The following PCDHGA7 variants were observed in gnomAD, a reference collection of about 807,000 sequenced individuals.
PCDHGA7 encodes protocadherin gamma-A7.
In PCDHGA7, 44 loss-of-function variants were observed where a neutral mutation model predicts 58.3. The ratio of observed to expected loss-of-function variants is 0.75; its 90% confidence interval spans 0.59 to 0.97. The LOEUF (loss-of-function observed/expected upper bound fraction) is 0.97. PCDHGA7 is among the 50% of genes least tolerant of loss of function. The probability of loss-of-function intolerance (pLI) is 0.00; values close to 1 mark genes in which losing one functional copy is unlikely to be tolerated. For missense variants in PCDHGA7, 1,266 were observed against 1,188.7 expected (o/e 1.06, Z -0.96); for synonymous variants, 516 against 504.2 (o/e 1.02, Z -0.31).
intron 1 of PCDHGA7, among the ~76,000 whole-genome samples, chr5:141,488,675 T>C (rs888235928): frequency 2.6e-5 from 4 of 152,116 alleles, no homozygotes; most frequent in Admixed American, 1.3e-4. Flanking sequence ...TACATGGGCT[T>C]TGCCTCTCCC....
At chr5:141,502,660 A>T (rs1423714257) in intron 2 of PCDHGA7, among the ~76,000 whole-genome samples, 2 of 152,208 alleles carry the variant, frequency 1.3e-5, no homozygotes, top group African/African-American at 4.8e-5. Flanking sequence ...GCAACCCTTC[A>T]TGCAATTTTA....
intron 1 of PCDHGA7, chr5:141,410,760 A>G: frequency 8.5e-7 from 1 of 1,177,482 alleles, no homozygotes; most frequent in Non-Finnish European, 1.2e-6. Flanking sequence ...ATGTTTTTTC[A>G]ATTATAGTTT....
rs2099419063 is a variant in PCDHGA7 at position 141,477,824 on chromosome 5, C to G, written c.2425-16983C>G. On this transcript the variant is annotated intron_variant, in intron 1 of 3. Coordinates refer to ENST00000518325, the MANE Select transcript of PCDHGA7 (RefSeq NM_018920.4). This position sits in a 1 kb window ranked among gnomAD's most constrained non-coding sequence, Gnocchi z 4.9. ...TGACAATGCCCCCCAGGTCCTATAT[C>G]CTCGGCCAGGTGGGAGCTCGGTGGA... is the stretch of plus-strand genomic sequence containing the variant. 5.6e-6 allele frequency: 9 copies of G among 1,614,196 alleles called. No individual in the cohort carries two copies. The highest frequency in any genetic ancestry group is 5.9e-6 in the Non-Finnish European group (7 of 1,180,034).
At chr5:141,482,841 G>A (rs1401298303) in intron 1 of PCDHGA7, among the ~76,000 whole-genome samples, 1 of 139,444 alleles carries the variant, frequency 7.2e-6, no homozygotes, top group Non-Finnish European at 1.5e-5. Flanking sequence ...GGAGGCCAAG[G>A]TGGGCAGATC....
In PCDHGA7 at chr5:141,431,814, T is replaced by C. The variant is rs1300319049; in HGVS notation, c.2424+46491T>C. 1 of 1,614,246 alleles carries C rather than the reference T, an allele frequency of 6.2e-7. No homozygotes were observed. Among genetic ancestry groups the C allele is most frequent in the Non-Finnish European group, 8.5e-7 (1 of 1,180,044 alleles). ...GCCCCAGAAGTGGTCCTCACCTCTC[T>C]CGCCAGCTCGGTTCCCGAAAACTCT... On this transcript the variant is annotated intron_variant, in intron 1 of 3. Coordinates refer to ENST00000518325, the MANE Select transcript of PCDHGA7 (RefSeq NM_018920.4). The surrounding 1 kb of genome is among the most constrained non-coding windows in gnomAD (Gnocchi z 4.8).
At chr5:141,492,727 G>A (rs2099743408) in intron 1 of PCDHGA7, among the ~76,000 whole-genome samples, 1 of 152,274 alleles carries the variant, frequency 6.6e-6, no homozygotes, top group South Asian at 2.1e-4. Flanking sequence ...GACAGGCAGA[G>A]CTGCCCAGTG....
At chr5:141,420,208 A>G (rs1396340813) in intron 1 of PCDHGA7, 1 of 1,612,970 alleles carries the variant, frequency 6.2e-7, no homozygotes, top group Non-Finnish European at 8.5e-7. Flanking sequence ...ACCTCAACAA[A>G]GATAGCATGC....
rs559433377 is a variant in PCDHGA7, at chr5:141,432,679, G to A, written c.2424+47356G>A. ...TGCTGGACAGAGACGCGCTCAAGCAGAGCCTCGTAGTGGCCGTCCAGGACC... is the reference window on the plus strand; with the variant it reads ...TGCTGGACAGAGACGCGCTCAAGCAAAGCCTCGTAGTGGCCGTCCAGGACC... On this transcript the variant is annotated intron_variant, in intron 1 of 3. Transcript: ENST00000518325. The surrounding 1 kb of genome is among the most constrained non-coding windows in gnomAD (Gnocchi z 6.0). The A allele has an allele frequency of 2.3e-4, 369 of 1,613,834 alleles. 1 individual carries two copies. The highest frequency in any genetic ancestry group is 1.7e-4 in the Middle Eastern group (1 of 6,056).
intron 2 of PCDHGA7, among the ~76,000 whole-genome samples, chr5:141,499,283 G>T (rs1460838051): frequency 6.6e-6 from 1 of 152,066 alleles, no homozygotes; most frequent in Non-Finnish European, 1.5e-5. Context: ...TTCTCTGATG[G>T]CTCCACACTA....
chr5:141,415,325 C>A (rs1046074461), intron 1 of PCDHGA7: 2 of 1,614,094 alleles, frequency 1.2e-6, no homozygotes, highest in Non-Finnish European at 1.7e-6. Context: ...GTGCTGCTGG[C>A]GCACAGGCTG....
intron 3 of PCDHGA7, 126 bp downstream of exon 3, chr5:141,505,607 T>A: frequency 6.5e-7 from 1 of 1,528,684 alleles, no homozygotes. Flanking sequence ...TCGGCAGGTC[T>A]GAAAGGACCC....
chr5:141,399,775 G>A, intron 1 of PCDHGA7: 2 of 1,613,282 alleles, frequency 1.2e-6, no homozygotes, highest in Non-Finnish European at 1.7e-6. Flanking sequence ...GTTGGTGGGC[G>A]ACCGAAACGA....
At chr5:141,462,542 T>C (rs910054469) in intron 1 of PCDHGA7, among the ~76,000 whole-genome samples, 1 of 152,222 alleles carries the variant, frequency 6.6e-6, no homozygotes, top group Non-Finnish European at 1.5e-5. Flanking sequence ...AGTGATCTTT[T>C]CTTCTTCAGT....
At chr5:141,387,791 A>T in intron 1 of PCDHGA7, 1 of 1,492,120 alleles carries the variant, frequency 6.7e-7, no homozygotes, top group Non-Finnish European at 8.9e-7. Context: ...AACTGCAACT[A>T]AAGTCCGTTC....
rs576318312 is a variant in PCDHGA7, at chr5:141,410,171, A to G, written c.2424+24848A>G. On this transcript the variant is annotated intron_variant, in intron 1 of 3. Coordinates refer to ENST00000518325, the MANE Select transcript of PCDHGA7 (RefSeq NM_018920.4). ...CGGTGGACAGCCGCCACTCTCTGCCACCGCCACGCTTCATCTGGTCTTCGC... is the reference window on the plus strand; with the variant it reads ...CGGTGGACAGCCGCCACTCTCTGCCGCCGCCACGCTTCATCTGGTCTTCGC... 181 of 1,613,780 alleles carry G rather than the reference A, an allele frequency of 1.1e-4. 1 individual carries two copies. The East Asian group carries it at 4.0e-3, about 36-fold the overall frequency.
chr5:141,443,251 C>T (rs200319609), intron 1 of PCDHGA7, among the ~76,000 whole-genome samples: 7 of 150,782 alleles, frequency 4.6e-5, no homozygotes, highest in East Asian at 3.9e-4. Flanking sequence ...GGCGCCAAGG[C>T]GGGTGGATCA....
intron 1 of PCDHGA7, chr5:141,403,328 A>G: frequency 1.8e-5 from 29 of 1,613,998 alleles, no homozygotes; most frequent in Non-Finnish European, 2.4e-5. Context: ...AGTAACTGAT[A>G]TTAACGACAG....
At chr5:141,438,957 CACCCTGCCA>C (rs1022731551) in intron 1 of PCDHGA7, among the ~76,000 whole-genome samples, 2 of 152,144 alleles carry the variant, frequency 1.3e-5, no homozygotes, top group East Asian at 3.9e-4. Flanking sequence ...TGAGCCACCG[CACCCTGCCA>C]ACTGTCTGAC....
chr5:141,477,779 A>C lies in PCDHGA7; in HGVS notation c.2425-17028A>C. ...CCTAGCCACCAACATCAGCGTGAAC[A>C]TATTTGTCACTGATCGCAATGACAA... is the stretch of plus-strand genomic sequence containing the variant. On this transcript the variant is annotated intron_variant, in intron 1 of 3. Transcript: ENST00000518325. The surrounding 1 kb of genome is among the most constrained non-coding windows in gnomAD (Gnocchi z 4.9). 1.2e-6 allele frequency: 2 copies of C among 1,614,012 alleles called. No individual in the cohort carries two copies. Among genetic ancestry groups the C allele is most frequent in the Non-Finnish European group, 1.7e-6 (2 of 1,180,020 alleles).
Sources: gnomAD v4.1 joint callset for allele counts (sites outside exome capture counted in the v4.1 genomes callset) on GRCh38, gnomAD v4.1.1 for gene constraint, Gnocchi (gnomAD v3.1) non-coding constraint, MANE v1.5 for transcripts, NCBI Gene and HGNC (gene_info 2026-07-23, HGNC 2026-07-21) for gene names.